HYCC1: variants seen among roughly 807,000 people sequenced by gnomAD.
HYCC1 encodes hyccin PI4KA lipid kinase complex subunit 1.
At chr7:22,989,209 T>G in the HYCC1 span, among the ~76,000 whole-genome samples, 1 of 136,418 alleles carries the variant, frequency 7.3e-6, no homozygotes, top group African/African-American at 2.8e-5. Context: ...CTGTTAAACT[T>G]GACTATTTCC....
chr7:22,978,135 T>C, the HYCC1 span: 1 of 788,044 alleles, frequency 1.3e-6, no homozygotes, highest in African/African-American at 1.7e-5. Flanking sequence ...GAAAGTTATA[T>C]TTGGAAGAAT....
At chr7:22,915,784 A>G in the HYCC1 span, among the ~76,000 whole-genome samples, 1 of 150,266 alleles carries the variant, frequency 6.7e-6, no homozygotes, top group African/African-American at 2.5e-5. Flanking sequence ...ACCTCTTAAA[A>G]CTCCCCAACT....
chr7:22,961,235 C>A, the HYCC1 span: 1 of 1,594,062 alleles, frequency 6.3e-7, no homozygotes, highest in Non-Finnish European at 8.6e-7. Context: ...AGGCACCTAC[C>A]AGCAATGGCT....
the HYCC1 span, among the ~76,000 whole-genome samples, chr7:22,993,994 T>G: frequency 6.6e-6 from 1 of 152,144 alleles, no homozygotes; most frequent in East Asian, 1.9e-4. Flanking sequence ...TTTGTTTTGT[T>G]TTTAGAGACA....
chr7:22,959,869 T>C, the HYCC1 span, among the ~76,000 whole-genome samples: 2 of 152,182 alleles, frequency 1.3e-5, no homozygotes, highest in Non-Finnish European at 2.9e-5. Flanking sequence ...CTATTAGTTG[T>C]TCTACTTCAA....
chr7:22,988,316 T>G, the HYCC1 span, among the ~76,000 whole-genome samples: 2 of 152,202 alleles, frequency 1.3e-5, no homozygotes, highest in Non-Finnish European at 2.9e-5. Context: ...GAGAAACTAC[T>G]TAAACTACAT....
the HYCC1 span, among the ~76,000 whole-genome samples, chr7:22,974,811 G>T: frequency 6.6e-6 from 1 of 152,186 alleles, no homozygotes; most frequent in East Asian, 1.9e-4. Flanking sequence ...ACCCAGTCAG[G>T]GGGTAATTGA....
At chr7:22,915,724 G>C in the HYCC1 span, among the ~76,000 whole-genome samples, 2 of 152,136 alleles carry the variant, frequency 1.3e-5, no homozygotes, top group East Asian at 3.9e-4. Context: ...TCAAAGGCCT[G>C]TTTCCCTTGC....
At chr7:22,994,233 T>C in the HYCC1 span, among the ~76,000 whole-genome samples, 3 of 152,218 alleles carry the variant, frequency 2.0e-5, no homozygotes, top group African/African-American at 7.2e-5. Context: ...TACTGTACAA[T>C]ATCTGAAATT....
the HYCC1 span, among the ~76,000 whole-genome samples, chr7:22,932,638 T>C: frequency 6.6e-6 from 1 of 152,128 alleles, no homozygotes; most frequent in African/African-American, 2.4e-5. Context: ...TTTAGGACTT[T>C]TTTAGTTGAT....
At chr7:22,965,835 G>T in the HYCC1 span, among the ~76,000 whole-genome samples, 3 of 151,962 alleles carry the variant, frequency 2.0e-5, no homozygotes, top group Admixed American at 6.6e-5. Flanking sequence ...GTCCAAGCTG[G>T]TCTTGAACTC....
At chr7:22,951,508 A>T in the HYCC1 span, among the ~76,000 whole-genome samples, 1 of 151,830 alleles carries the variant, frequency 6.6e-6, no homozygotes, top group African/African-American at 2.4e-5. Flanking sequence ...CTTAGAATAA[A>T]CCCCAAAACA....
the HYCC1 span, among the ~76,000 whole-genome samples, chr7:22,967,120 T>G: frequency 6.6e-6 from 1 of 152,204 alleles, no homozygotes; most frequent in Non-Finnish European, 1.5e-5. Context: ...TTATTAAAGA[T>G]TGATACTGTG....
the HYCC1 span, among the ~76,000 whole-genome samples, chr7:22,961,949 T>C: frequency 2.0e-5 from 3 of 151,840 alleles, no homozygotes; most frequent in African/African-American, 7.3e-5. Flanking sequence ...ATTACAAAAA[T>C]GAACAGGGAT....
the HYCC1 span, chr7:22,964,380 T>A: frequency 8.5e-7 from 1 of 1,172,424 alleles, no homozygotes; most frequent in Non-Finnish European, 1.3e-6. Flanking sequence ...TCCAAAGAAA[T>A]TAAATGTTTA....
At chr7:22,915,865 T>C in the HYCC1 span, among the ~76,000 whole-genome samples, 1 of 152,138 alleles carries the variant, frequency 6.6e-6, no homozygotes, top group African/African-American at 2.4e-5. Context: ...AGCTCCCTTA[T>C]TAGGTCGAGA....
chr7:23,002,166 A>ACATACAAT, the HYCC1 span, among the ~76,000 whole-genome samples: 1 of 81,156 alleles, frequency 1.2e-5, no homozygotes, highest in Non-Finnish European at 2.4e-5. Flanking sequence ...ATATATATAT[A>ACATACAAT]TATATATATA....
chr7:23,000,261 C>G, the HYCC1 span, among the ~76,000 whole-genome samples: 2 of 152,008 alleles, frequency 1.3e-5, no homozygotes, highest in African/African-American at 4.8e-5. Flanking sequence ...ATCAGCAGTT[C>G]TGAAAACTCT....
At chr7:22,932,862 G>A in the HYCC1 span, among the ~76,000 whole-genome samples, 5 of 152,152 alleles carry the variant, frequency 3.3e-5, no homozygotes, top group Non-Finnish European at 5.9e-5. Flanking sequence ...AATCTTTGCA[G>A]ATGTAGTTAG....
Sources: allele counts gnomAD v4.1 joint callset (sites outside exome capture counted in the v4.1 genomes callset), GRCh38; gene constraint gnomAD v4.1.1; transcripts MANE v1.5; gene names NCBI Gene and HGNC (gene_info 2026-07-23, HGNC 2026-07-21).